FRMD3: variants seen among roughly 807,000 people sequenced by gnomAD.
FRMD3 encodes the protein FERM domain containing 3.
A neutral mutation model predicts 70.2 loss-of-function variants in FRMD3; 33 were observed. That is an observed-to-expected ratio of 0.47 (90% CI 0.36 to 0.63). The LOEUF (loss-of-function observed/expected upper bound fraction) is 0.63. FRMD3 is among the 20% of genes least tolerant of loss of function. The probability of loss-of-function intolerance (pLI) is 0.00; values close to 1 mark genes in which losing one functional copy is unlikely to be tolerated. For synonymous variants in FRMD3, 279 were observed against 255.9 expected (o/e 1.09, Z -0.86); for missense variants, 632 against 711.4 (o/e 0.89, Z 1.27).
At chr9:83,318,056 C>T (rs1835653236) in intron 6 of FRMD3, among the ~76,000 whole-genome samples, 1 of 152,204 alleles carries the variant, frequency 6.6e-6, no homozygotes, top group African/African-American at 2.4e-5. Flanking sequence ...CCAATAACTA[C>T]ATGAAAATGT....
rs1828608830 is a variant in FRMD3 at position 83,483,182 on chromosome 9, C to T, written c.147+54903G>A. Among the ~76,000 whole-genome samples, 3 of 152,290 alleles carry T rather than the reference C, an allele frequency of 2.0e-5. No homozygotes were observed. The South Asian group carries it at 6.2e-4, about 32-fold the overall frequency. Reference sequence around the variant, plus strand: ...GTTCTCGTGACAGTGAATGAGTTCTCACAAGATCTGGTTGTTTTTAAATTG... The same window carrying T: ...GTTCTCGTGACAGTGAATGAGTTCTTACAAGATCTGGTTGTTTTTAAATTG... On this transcript the variant is annotated intron_variant, in intron 1 of 13. Transcript: ENST00000304195.
chr9:83,574,131 C>T, the FRMD3 span, among the ~76,000 whole-genome samples: 1 of 152,208 alleles, frequency 6.6e-6, no homozygotes, highest in African/African-American at 2.4e-5. Flanking sequence ...CAAAGCCACA[C>T]CCAGCTACTG....
chr9:83,475,629 A>T (rs1389342393), intron 1 of FRMD3, among the ~76,000 whole-genome samples: 10 of 152,172 alleles, frequency 6.6e-5, no homozygotes, highest in Admixed American at 5.2e-4. Context: ...TGAGGAAAAA[A>T]ATTCATAGCT....
At chr9:83,582,754 T>C in the FRMD3 span, among the ~76,000 whole-genome samples, 3 of 152,202 alleles carry the variant, frequency 2.0e-5, no homozygotes, top group African/African-American at 7.2e-5. Context: ...AGCCCTGGAA[T>C]TAGCATTTGG....
chr9:83,376,213 G>A (rs1159239817), intron 2 of FRMD3, among the ~76,000 whole-genome samples: 1 of 148,104 alleles, frequency 6.8e-6, no homozygotes, highest in Non-Finnish European at 1.5e-5. Context: ...CCATGGCCCA[G>A]TAAGTTCTTT....
chr9:83,253,626 A>G (rs1245139890), intron 13 of FRMD3, among the ~76,000 whole-genome samples: 2 of 152,216 alleles, frequency 1.3e-5, no homozygotes, highest in African/African-American at 4.8e-5. Context: ...CAGGTGCTGG[A>G]GAGGATGTGG....
At chr9:83,260,072 G>A (rs1036821493) in intron 13 of FRMD3, among the ~76,000 whole-genome samples, 6 of 152,112 alleles carry the variant, frequency 3.9e-5, no homozygotes, top group Non-Finnish European at 8.8e-5. Context: ...CCTGCAAAAT[G>A]GACCAGACCC....
chr9:83,477,181 T>C (rs12348445), intron 1 of FRMD3, among the ~76,000 whole-genome samples: 1,687 of 152,298 alleles, frequency 0.011, 36 homozygotes, highest in African/African-American at 0.039. Flanking sequence ...AACCCATAGA[T>C]GTTTCGTCTG....
At chr9:83,284,061 A>ATTTTTTTTTTTTTTTTTTT (rs71365307) in intron 13 of FRMD3, among the ~76,000 whole-genome samples, 4 of 101,698 alleles carry the variant, frequency 3.9e-5, no homozygotes, top group African/African-American at 7.5e-5. Context: ...CTAGGATGTT[A>ATTTTTTTTTTTTTTTTTTT]TTTTTTTTTT....
At chr9:83,390,779 A>C (rs933135789) in intron 1 of FRMD3, among the ~76,000 whole-genome samples, 5 of 152,210 alleles carry the variant, frequency 3.3e-5, no homozygotes, top group Admixed American at 2.6e-4. Flanking sequence ...TGTTTTAGAG[A>C]TGTGACCTAT....
intron 1 of FRMD3, among the ~76,000 whole-genome samples, chr9:83,517,171 A>G (rs781662156): frequency 3.9e-5 from 6 of 152,164 alleles, no homozygotes; most frequent in East Asian, 1.9e-4. Context: ...AAAAAAATCA[A>G]TGAAACCAGG....
chr9:83,319,757 T>C (rs1397946836), intron 6 of FRMD3, among the ~76,000 whole-genome samples: 5 of 152,194 alleles, frequency 3.3e-5, no homozygotes, highest in Non-Finnish European at 7.3e-5. Context: ...TCACATGAGA[T>C]CCAATGGTTT....
intron 1 of FRMD3, among the ~76,000 whole-genome samples, chr9:83,507,521 T>C (rs533261589): frequency 4.2e-4 from 62 of 147,950 alleles, no homozygotes; most frequent in African/African-American, 1.4e-3. Flanking sequence ...AAAGAAAAAA[T>C]TAGCCAGGTG....
chr9:83,450,954 T>A (rs1416891096), intron 1 of FRMD3, among the ~76,000 whole-genome samples: 1 of 152,060 alleles, frequency 6.6e-6, no homozygotes, highest in Admixed American at 6.5e-5. Context: ...GTTTAATAAG[T>A]CCCCAAATGT....
intron 1 of FRMD3, among the ~76,000 whole-genome samples, chr9:83,411,644 G>A (rs1163072926): frequency 2.0e-5 from 3 of 152,214 alleles, no homozygotes; most frequent in African/African-American, 7.2e-5. Context: ...TGGGGTGGGG[G>A]CTACAAACCC....
Position 83,247,616 on chromosome 9 carries a change from C to T in FRMD3, c.*302G>A. ...CTATTAGAAATGGGAAAATCTAATT[C>T]AGTCCAATGTAACATGTATTATGAT... On this transcript the variant is annotated 3_prime_UTR_variant, in exon 14 of 14. Coordinates refer to ENST00000304195, the MANE Select transcript of FRMD3 (RefSeq NM_174938.6). 1 of 1,047,084 alleles carries T rather than the reference C, an allele frequency of 9.6e-7. No individual in the cohort carries two copies. The highest frequency in any genetic ancestry group is 1.2e-6 in the Non-Finnish European group (1 of 863,996). The allele number at this position is 1,047,084 out of a possible 1,614,324, so 64.9% of individuals were successfully genotyped here.
the FRMD3 span, among the ~76,000 whole-genome samples, chr9:83,544,701 G>A: frequency 1.3e-5 from 2 of 152,132 alleles, no homozygotes; most frequent in Non-Finnish European, 2.9e-5. Context: ...AGGAGACTGA[G>A]AGCCTACTCA....
chr9:83,503,793 G>A lies in FRMD3; in HGVS notation c.147+34292C>T, dbSNP rs1031603023. Among the ~76,000 whole-genome samples the A allele has an allele frequency of 2.0e-5, 3 of 152,338 alleles. 1 individual carries two copies. The South Asian group carries it at 6.2e-4, about 32-fold the overall frequency. On this transcript the variant is annotated intron_variant, in intron 1 of 13. Transcript: ENST00000304195. ...GGCCACATCTCCACCAGCCAAGTGG[G>A]CCAGATGAGTCCAGATTCAGAGAAG...
At chr9:83,288,275 G>A (rs553438357) in intron 13 of FRMD3, among the ~76,000 whole-genome samples, 34 of 152,156 alleles carry the variant, frequency 2.2e-4, no homozygotes, top group African/African-American at 7.5e-4. Flanking sequence ...CAAAGACAAG[G>A]GCCATGGAGC....
Sources: allele counts gnomAD v4.1 joint callset (sites outside exome capture counted in the v4.1 genomes callset), GRCh38; gene constraint gnomAD v4.1.1; transcripts MANE v1.5; gene names NCBI Gene and HGNC (gene_info 2026-07-23, HGNC 2026-07-21).